LDLRAD4: variants seen among roughly 807,000 people sequenced by gnomAD.
LDLRAD4 encodes low density lipoprotein receptor class A domain containing 4.
In LDLRAD4, 5 loss-of-function variants were observed where a neutral mutation model predicts 17.0. That is an observed-to-expected ratio of 0.29 (90% CI 0.15 to 0.62). The LOEUF (loss-of-function observed/expected upper bound fraction) is 0.62, where lower values mean the gene tolerates loss of function less well. Among genes scored for constraint, LDLRAD4 ranks in the 20% least tolerant of loss-of-function variants. The pLI, the probability that LDLRAD4 is intolerant of heterozygous loss-of-function variation, is 0.84. For missense variants in LDLRAD4, 340 were observed against 424.7 expected, an observed-to-expected ratio of 0.80 and a Z score of 1.75; for synonymous variants, 168 against 171.8, an observed-to-expected ratio of 0.98 and a Z score of 0.17.
intron 2 of LDLRAD4, among the ~76,000 whole-genome samples, chr18:13,425,757 T>C (rs2089879781): frequency 6.6e-6 from 1 of 152,212 alleles, no homozygotes; most frequent in East Asian, 1.9e-4. Context: ...ATCCTGTGCT[T>C]CCCGAGGTCG....
chr18:13,302,755 A>G (rs1266394970), intron 1 of LDLRAD4, among the ~76,000 whole-genome samples: 1 of 152,170 alleles, frequency 6.6e-6, no homozygotes, highest in Non-Finnish European at 1.5e-5. Context: ...TGCAGTTGTT[A>G]TGTTTATGCA....
At chr18:13,518,028 C>T (rs1486077880) in intron 3 of LDLRAD4, among the ~76,000 whole-genome samples, 2 of 152,218 alleles carry the variant, frequency 1.3e-5, no homozygotes, top group African/African-American at 2.4e-5. Context: ...GCCACCGCGC[C>T]CGGCCATGAC....
intron 1 of LDLRAD4, among the ~76,000 whole-genome samples, chr18:13,281,842 C>T (rs2045299073): frequency 6.6e-6 from 1 of 152,202 alleles, no homozygotes; most frequent in Non-Finnish European, 1.5e-5. Flanking sequence ...CTCCATCTCA[C>T]CATTGTCCCC....
At chr18:13,627,897 C>G (rs1224625835) in intron 4 of LDLRAD4, among the ~76,000 whole-genome samples, 1 of 152,220 alleles carries the variant, frequency 6.6e-6, no homozygotes, top group African/African-American at 2.4e-5. Context: ...GCCCGCTGTG[C>G]TGGGGCTCAG....
chr18:13,584,801 A>G (rs1297007340), intron 3 of LDLRAD4, among the ~76,000 whole-genome samples: 1 of 152,168 alleles, frequency 6.6e-6, no homozygotes, highest in African/African-American at 2.4e-5. Flanking sequence ...ACCAGGATAA[A>G]CCATAATTGT....
At chr18:13,270,716 G>A (rs754930314) in intron 1 of LDLRAD4, among the ~76,000 whole-genome samples, 14 of 152,210 alleles carry the variant, frequency 9.2e-5, no homozygotes, top group African/African-American at 2.2e-4. Flanking sequence ...TCCTCAGGGC[G>A]TCGGCAGGTT....
intron 3 of LDLRAD4, among the ~76,000 whole-genome samples, chr18:13,518,233 C>T (rs1253474762): frequency 6.6e-6 from 1 of 152,156 alleles, no homozygotes; most frequent in Non-Finnish European, 1.5e-5. Flanking sequence ...TGCACTCCTT[C>T]TCTCTCTTCT....
intron 3 of LDLRAD4, among the ~76,000 whole-genome samples, chr18:13,529,221 C>G (rs560998753): frequency 1.3e-5 from 2 of 152,350 alleles, no homozygotes; most frequent in South Asian, 4.1e-4. Context: ...CCCAGTTGCC[C>G]GGCACTGGCC....
At chr18:13,233,639 C>T (rs569860469) in intron 1 of LDLRAD4, among the ~76,000 whole-genome samples, 4 of 152,230 alleles carry the variant, frequency 2.6e-5, no homozygotes, top group South Asian at 2.1e-4. Context: ...CCCAGAGGAA[C>T]GGGGTCTCTC....
chr18:13,348,529 T>C (rs1364877506), intron 1 of LDLRAD4, among the ~76,000 whole-genome samples: 3 of 152,302 alleles, frequency 2.0e-5, no homozygotes, highest in Admixed American at 2.0e-4. Flanking sequence ...AGGGATCCAC[T>C]TGAGGAGGCA....
intron 1 of LDLRAD4, among the ~76,000 whole-genome samples, chr18:13,355,564 C>T (rs1052470173): frequency 7.2e-5 from 11 of 152,332 alleles, no homozygotes; most frequent in African/African-American, 2.2e-4. Flanking sequence ...CCTATGCTGT[C>T]TGTCAATAAT....
intron 3 of LDLRAD4, chr18:13,616,034 G>A (rs1404773768): frequency 6.6e-6 from 1 of 152,142 alleles, no homozygotes; most frequent in Admixed American, 6.5e-5. Context: ...TGTTTTAACA[G>A]TTCTTCCAGA....
At chr18:13,430,552 G>T (rs1452794918) in intron 2 of LDLRAD4, among the ~76,000 whole-genome samples, 1 of 152,184 alleles carries the variant, frequency 6.6e-6, no homozygotes, top group Non-Finnish European at 1.5e-5. Context: ...CCCGGAACAA[G>T]CAAGTTAGGG....
At chr18:13,546,588 G>GT (rs557375107) in intron 3 of LDLRAD4, among the ~76,000 whole-genome samples, 172 of 149,346 alleles carry the variant, frequency 1.2e-3, no homozygotes, top group Admixed American at 2.5e-3. Context: ...AGCCTGGGTG[G>GT]TTTTTTTTTT....
chr18:13,534,751 C>T (rs143735560), intron 3 of LDLRAD4, among the ~76,000 whole-genome samples: 83 of 151,950 alleles, frequency 5.5e-4, no homozygotes, highest in East Asian at 4.1e-3. Flanking sequence ...ATTTTGGTAA[C>T]GACATACAGT....
chr18:13,459,159 C>CAAAAAAAAAAAAAAAA (rs534798084), intron 3 of LDLRAD4, among the ~76,000 whole-genome samples: 1 of 53,736 alleles, frequency 1.9e-5, no homozygotes, highest in African/African-American at 6.0e-5. Flanking sequence ...ATCTCTACAC[C>CAAAAAAAAAAAAAAAA]AAAAAAAAAA....
In LDLRAD4 at chr18:13,415,784, C is replaced by T. The variant is rs376584538; in HGVS notation, c.41-22460C>T. Reference sequence around the variant, plus strand: ...GGCCTGGAGCCAGGGCCACGCTGCCCGGTGTCCCAGCCCAGCAGGCATCAG... The same window carrying T: ...GGCCTGGAGCCAGGGCCACGCTGCCTGGTGTCCCAGCCCAGCAGGCATCAG... On this transcript the variant is annotated intron_variant, in intron 2 of 5. Transcript: ENST00000359446. 3.9e-4 allele frequency among the ~76,000 whole-genome samples: 60 copies of T among 152,322 alleles called. No homozygotes were observed. The East Asian group carries it at 7.9e-3, about 20-fold the overall frequency.
chr18:13,227,791 A>G (rs868177230), intron 1 of LDLRAD4, among the ~76,000 whole-genome samples: 2 of 152,226 alleles, frequency 1.3e-5, no homozygotes, highest in South Asian at 2.1e-4. Flanking sequence ...AGAACTCACT[A>G]TCATGAGAAC....
At chr18:13,632,988 C>T (rs2041802706) in intron 4 of LDLRAD4, among the ~76,000 whole-genome samples, 1 of 152,178 alleles carries the variant, frequency 6.6e-6, no homozygotes, top group South Asian at 2.1e-4. Context: ...GTAGGCAGGT[C>T]ATCCTGACGT....
Sources: gnomAD v4.1 joint callset for allele counts (sites outside exome capture counted in the v4.1 genomes callset) on GRCh38, gnomAD v4.1.1 for gene constraint, MANE v1.5 for transcripts, NCBI Gene and HGNC (gene_info 2026-07-23, HGNC 2026-07-21) for gene names.